The following LPA variants were observed in gnomAD, a reference collection of about 807,000 sequenced individuals.
LPA encodes the protein apolipoprotein(a).
In LPA, 199 loss-of-function variants were observed where a neutral mutation model predicts 197.9. The ratio of observed to expected loss-of-function variants is 1.01; its 90% CI spans 0.90 to 1.13. LPA has a LOEUF of 1.13. Among genes scored for constraint, LPA ranks in the 50% most tolerant of loss-of-function variants. LPA has a pLI of 0.00. For synonymous variants in LPA, 715 were observed against 639.5 expected (o/e 1.12, Z -1.78); for missense variants, 1,853 against 1,785.8 (o/e 1.04, Z -0.68).
At chr6:160,586,688 G>A (rs1778918844) in intron 24 of LPA, 58 bp from the exon 25 acceptor site, 8 of 1,610,094 alleles carry the variant, frequency 5.0e-6, no homozygotes, top group African/African-American at 1.3e-5. Flanking sequence ...AGCACCACCT[G>A]GCACCCTCTA....
intron 35 of LPA, 112 bp downstream of exon 35, chr6:160,540,995 G>A (rs1421177128): frequency 1.0e-5 from 9 of 879,104 alleles, no homozygotes; most frequent in Non-Finnish European, 1.7e-5. Context: ...AGAAAAGGAA[G>A]AGAGGTGGGG....
intron 28 of LPA, among the ~76,000 whole-genome samples, chr6:160,569,689 AC>A (rs1186066234): frequency 2.0e-5 from 3 of 152,228 alleles, no homozygotes; most frequent in African/African-American, 4.8e-5. Context: ...CTCAGAATGA[AC>A]AGGCAAGCTA....
rs552346265 is a variant in LPA at position 160,609,311 on chromosome 6, G to A, written c.2603+2251C>T. ...TTTTATTGCTGGATTCAGCATTCTC[G>A]GTTGATCTCTTCTTGTTCCTCATTA... On this transcript the variant is annotated intron_variant, in intron 16 of 38. Coordinates refer to ENST00000316300, the MANE Select transcript of LPA (RefSeq NM_005577.4). Among the ~76,000 whole-genome samples, 55 of 151,976 alleles carry A rather than the reference G, an allele frequency of 3.6e-4. No homozygotes were observed. The South Asian group carries it at 0.01, about 29-fold the overall frequency.
intron 28 of LPA, among the ~76,000 whole-genome samples, chr6:160,576,918 G>A (rs942409324): frequency 3.9e-5 from 6 of 151,924 alleles, no homozygotes; most frequent in South Asian, 2.1e-4. Flanking sequence ...CGCCACTTCC[G>A]TATATTCTAC....
chr6:160,589,754 A>G (rs1449490069), intron 23 of LPA, 42 bp from the exon 24 acceptor site: 1 of 1,611,304 alleles, frequency 6.2e-7, no homozygotes, highest in Middle Eastern at 1.7e-4. Flanking sequence ...TAATTTCCAG[A>G]ACACAGAAGC....
At chr6:160,564,257 CT>C (rs1187966529) in intron 28 of LPA, among the ~76,000 whole-genome samples, 3 of 152,126 alleles carry the variant, frequency 2.0e-5, no homozygotes, top group Non-Finnish European at 4.4e-5. Context: ...TAAGGCAGGC[CT>C]GGTGTTGACA....
intron 2 of LPA, among the ~76,000 whole-genome samples, chr6:160,648,782 G>C (rs1333544122): frequency 6.6e-6 from 1 of 151,936 alleles, no homozygotes; most frequent in Non-Finnish European, 1.5e-5. Flanking sequence ...ACTGTCTCTG[G>C]ATAAGGTGTC....
At chr6:160,611,166 C>A (rs1779502387) in intron 16 of LPA, among the ~76,000 whole-genome samples, 2 of 152,136 alleles carry the variant, frequency 1.3e-5, no homozygotes, top group African/African-American at 4.8e-5. Flanking sequence ...AAACTTTCCT[C>A]ATGAGCCCAG....
At chr6:160,557,319 A>C in intron 29 of LPA, 71 bp downstream of exon 29, 1 of 1,547,500 alleles carries the variant, frequency 6.5e-7, no homozygotes, top group East Asian at 2.2e-5. Flanking sequence ...AGGCTTCTGC[A>C]TCAGTCAGAT....
intron 1 of LPA, among the ~76,000 whole-genome samples, chr6:160,652,275 A>G (rs1480006498): frequency 6.6e-6 from 1 of 152,120 alleles, no homozygotes; most frequent in African/African-American, 2.4e-5. Flanking sequence ...AACTGTTGAA[A>G]AACAAAGATG....
At chr6:160,581,777 G>C (rs1778806273) in intron 26 of LPA, among the ~76,000 whole-genome samples, 1 of 151,984 alleles carries the variant, frequency 6.6e-6, no homozygotes, top group South Asian at 2.1e-4. Flanking sequence ...GCTTGGGTGT[G>C]GGTTGAAACT....
rs745365837 is a variant in LPA at position 160,557,513 on chromosome 6, T to C, written c.4690A>G (p.Thr1564Ala). 2.5e-6 allele frequency: 4 copies of C among 1,614,110 alleles called. No individual in the cohort carries two copies. The South Asian group carries it at 3.3e-5, about 13-fold the overall frequency. ...TCCCACCTCACACACGGATCGGTTG[T>C]GTAACACCAGGGTTGTTTCCCAGAA... ...PDSGKQPWCY[T>A]TDPCVRWEYC... The change falls in exon 29 of 39, where the codon ACA becomes GCA. Residue 1564 changes from threonine (T) to alanine (A), a missense_variant. Physicochemically the swap from Thr to Ala is moderately conservative, Grantham distance 58. This residue lies in a region of LPA where 1,737 missense variants were observed against 1,504.4 expected (regional missense o/e 1.15). Coordinates refer to ENST00000316300, the MANE Select transcript of LPA (RefSeq NM_005577.4).
chr6:160,634,664 T>C (rs1408179622), intron 7 of LPA, among the ~76,000 whole-genome samples: 117 of 151,464 alleles, frequency 7.7e-4, no homozygotes, highest in African/African-American at 2.7e-3. Flanking sequence ...CCCAGGACCA[T>C]ATGGAATTAA....
intron 16 of LPA, 98 bp from the exon 17 acceptor site, chr6:160,606,756 G>A (rs1779363558): frequency 1.2e-5 from 18 of 1,524,620 alleles, no homozygotes; most frequent in South Asian, 7.8e-5. Context: ...CATTACCAGT[G>A]CCTTTCTAAT....
chr6:160,548,788 A>T, intron 30 of LPA, 129 bp from the exon 31 acceptor site: 1 of 883,470 alleles, frequency 1.1e-6, no homozygotes, highest in South Asian at 1.4e-5. Flanking sequence ...AAGGTATCAT[A>T]CAATTGCCAC....
chr6:160,553,933 C>CTGTGTGTGTGTGTG (rs1437869346), intron 30 of LPA, among the ~76,000 whole-genome samples: 66 of 68,938 alleles, frequency 9.6e-4, no homozygotes, highest in African/African-American at 2.6e-3. Flanking sequence ...CTCTCTCTCT[C>CTGTGTGTGTGTGTG]TCTCTGTGTG....
At chr6:160,651,026 C>A (rs1779996373) in intron 1 of LPA, among the ~76,000 whole-genome samples, 1 of 152,204 alleles carries the variant, frequency 6.6e-6, no homozygotes, top group African/African-American at 2.4e-5. Context: ...ATGATCAAAT[C>A]TTATTTCCTT....
At chr6:160,657,036 G>GC in intron 1 of LPA, among the ~76,000 whole-genome samples, 1 of 152,244 alleles carries the variant, frequency 6.6e-6, no homozygotes, top group Non-Finnish European at 1.5e-5. Flanking sequence ...ATGGTTCAGT[G>GC]CCAACACTTG....
intron 28 of LPA, among the ~76,000 whole-genome samples, chr6:160,560,990 A>G (rs1778351785): frequency 6.6e-6 from 1 of 151,992 alleles, no homozygotes; most frequent in Non-Finnish European, 1.5e-5. Flanking sequence ...GCTTGCTGCA[A>G]GCTCAACCTC....
Sources: gnomAD v4.1 joint callset for allele counts (sites outside exome capture counted in the v4.1 genomes callset) on GRCh38, gnomAD v4.1.1 for gene constraint, gnomAD v4.1.1 regional missense constraint, MANE v1.5 for transcripts, NCBI Gene and HGNC (gene_info 2026-07-23, HGNC 2026-07-21) for gene names.